LIMK1: variants seen among roughly 807,000 people sequenced by gnomAD.
The protein encoded by LIMK1 is LIM motif-containing protein kinase.
A neutral mutation model predicts 77.6 loss-of-function variants in LIMK1; 21 were observed. That is an observed-to-expected ratio of 0.27 (90% CI 0.19 to 0.39). The LOEUF is 0.39. Ranked by LOEUF, LIMK1 falls within the 10% of genes least tolerant of loss-of-function variation. LIMK1 has a pLI of 1.00. For synonymous variants in LIMK1, 358 were observed against 370.0 expected (o/e 0.97, Z 0.37); for missense variants, 696 against 901.6 (o/e 0.77, Z 2.92).
chr7:74,121,134 C>G lies in LIMK1; in HGVS notation c.1782-5C>G. ...CCCACCGTTCCCCACCCACCTGTCA[C>G]CCAGGCCATCCTTTGTGAAGCTGGA... On this transcript the variant is annotated splice_region_variant and splice_polypyrimidine_tract_variant and intron_variant, in intron 15 of 15. Coordinates refer to ENST00000336180, the MANE Select transcript of LIMK1 (RefSeq NM_002314.4). 6.2e-7 allele frequency: 1 copy of G among 1,612,160 alleles called. No homozygotes were observed. The highest frequency in any genetic ancestry group is 8.5e-7 in the Non-Finnish European group (1 of 1,178,728).
rs1799918714 is a variant in LIMK1 at position 74,120,786 on chromosome 7, G to A, written c.1624-106G>A. 2.2e-5 allele frequency: 35 copies of A among 1,557,214 alleles called. 1 individual carries two copies. In the South Asian group the frequency reaches 3.4e-4, roughly 15 times the overall value. On this transcript the variant is annotated intron_variant, in intron 14 of 15. Transcript: ENST00000336180. Reference sequence around the variant, plus strand: ...TGGCCCCCATGGGGTACTGCAGTCAGGCTGCAGCCAGGCCCAGTGCCACCT... The same window carrying A: ...TGGCCCCCATGGGGTACTGCAGTCAAGCTGCAGCCAGGCCCAGTGCCACCT...
In LIMK1 at chr7:74,097,091, G is replaced by A. The variant is rs1584112368; in HGVS notation, c.303G>A (p.Glu101=). Residue 101 remains glutamate, a synonymous_variant, in exon 4 of 16, where the codon GAG becomes GAA. Transcript: ENST00000336180. Reference sequence around the variant, plus strand: ...CACCCCCGCACCAGGTGGCTGGGGAGCTGAAGTACCACCCCGAGTGTTTCA... The same window carrying A: ...CACCCCCGCACCAGGTGGCTGGGGAACTGAAGTACCACCCCGAGTGTTTCA... ...ITKGLVMVAG[E]LKYHPECFIC... The A allele has an allele frequency of 6.2e-7, 1 of 1,612,708 alleles. No individual in the cohort carries two copies.
chr7:74,095,973 T>C (rs1192391945), intron 2 of LIMK1, among the ~76,000 whole-genome samples: 1 of 147,854 alleles, frequency 6.8e-6, no homozygotes, highest in Non-Finnish European at 1.5e-5. Flanking sequence ...TTTTTCTTTT[T>C]TTTTTTTTTG....
In LIMK1 at chr7:74,096,707, T is replaced by C. The variant is rs771756377; in HGVS notation, c.238T>C (p.Tyr80His). ...LFCKKDYWAR[Y>H]GESCHGCSEQ... ...CTGCAAGAAGGACTACTGGGCCCGCTATGGCGAGTCCTGCCATGGGTGCTC... is the reference window on the plus strand; with the variant it reads ...CTGCAAGAAGGACTACTGGGCCCGCCATGGCGAGTCCTGCCATGGGTGCTC... The change falls in exon 3 of 16, where the codon TAT becomes CAT. Residue 80 changes from tyrosine (Y) to histidine (H), a missense_variant. Around this residue, in one of 3 missense-constraint regions of LIMK1, gnomAD observed 252 missense variants for 279.4 expected, o/e 0.90. Coordinates refer to ENST00000336180, the MANE Select transcript of LIMK1 (RefSeq NM_002314.4). 49 of 1,613,768 alleles carry C rather than the reference T, an allele frequency of 3.0e-5. No individual in the cohort carries two copies. The highest frequency in any genetic ancestry group is 1.6e-4 in the Middle Eastern group (1 of 6,082).
intron 12 of LIMK1, among the ~76,000 whole-genome samples, chr7:74,112,833 AAAG>A (rs1346804535): frequency 6.6e-6 from 1 of 151,840 alleles, no homozygotes; most frequent in Non-Finnish European, 1.5e-5. Context: ...TCAAAAAAAA[AAAG>A]AGGAGGCTTT....
chr7:74,121,448 G>A lies in LIMK1; in HGVS notation c.*147G>A. 1 of 794,120 alleles carries A rather than the reference G, an allele frequency of 1.3e-6. No individual in the cohort carries two copies. The highest frequency in any genetic ancestry group is 1.9e-6 in the Non-Finnish European group (1 of 518,070). 49.2% of individuals were successfully genotyped at this position (794,120 alleles called of 1,614,324 possible). A position where few individuals can be genotyped will look rare whatever the true frequency, so the allele number is the denominator to read the frequency against. ...CCTGACTTGCCTTCTCCCACCCCGTGGACCGCTTCCCCTGCCTTCTCTCTG... is the reference window on the plus strand; with the variant it reads ...CCTGACTTGCCTTCTCCCACCCCGTAGACCGCTTCCCCTGCCTTCTCTCTG... On this transcript the variant is annotated 3_prime_UTR_variant, in exon 16 of 16. Coordinates refer to ENST00000336180, the MANE Select transcript of LIMK1 (RefSeq NM_002314.4).
At chr7:74,099,701 C>G (rs368374680) in intron 5 of LIMK1, among the ~76,000 whole-genome samples, 1 of 151,844 alleles carries the variant, frequency 6.6e-6, no homozygotes, top group East Asian at 1.9e-4. Context: ...GCACTCCAGG[C>G]TGGGCAACAA....
intron 12 of LIMK1, among the ~76,000 whole-genome samples, chr7:74,112,379 G>GT (rs1402476541): frequency 6.6e-6 from 1 of 152,200 alleles, no homozygotes. Flanking sequence ...GGGCCACAGA[G>GT]TGGGGGCATA....
chr7:74,117,657 G>A (rs1165607739), intron 13 of LIMK1, among the ~76,000 whole-genome samples: 1 of 152,064 alleles, frequency 6.6e-6, no homozygotes, highest in Non-Finnish European at 1.5e-5. Context: ...AGTTAAATTA[G>A]CCTGGCATGT....
rs189426398 is a variant in LIMK1 at position 74,113,678 on chromosome 7, G to A, written c.1410+1680G>A. ...GGGGCTGACAAGAGACCCCCAAACT[G>A]ACCATTATACAGACCCACTCTTGTG... is the stretch of plus-strand genomic sequence containing the variant. On this transcript the variant is annotated intron_variant, in intron 12 of 15. Coordinates refer to ENST00000336180, the MANE Select transcript of LIMK1 (RefSeq NM_002314.4). Among the ~76,000 whole-genome samples the A allele has an allele frequency of 1.5e-4, 23 of 150,710 alleles. No individual in the cohort carries two copies. In the East Asian group the frequency reaches 4.5e-3, roughly 29 times the overall value.
At chr7:74,093,196 TG>T in intron 2 of LIMK1, 1 of 1,531,674 alleles carries the variant, frequency 6.5e-7, no homozygotes, top group African/African-American at 1.4e-5. Flanking sequence ...GCAGCTGGTC[TG>T]GCCACCCCTG....
At position 74,121,611 on chromosome 7, in the gene LIMK1, A is replaced by C; in HGVS notation, c.*310A>C. The C allele has an allele frequency of 5.8e-6, 2 of 345,860 alleles. No homozygotes were observed. The highest frequency in any genetic ancestry group is 5.0e-5 in the East Asian group (1 of 19,820). 21.4% of individuals were successfully genotyped at this position (345,860 alleles called of 1,614,324 possible). A position where few individuals can be genotyped will look rare whatever the true frequency, so the allele number is the denominator to read the frequency against. ...CTGTGTGAGTTACGCCCCTTTCCAC[A>C]CGCCGCTGCCCCAGCAACCCTGTTC... On this transcript the variant is annotated 3_prime_UTR_variant, in exon 16 of 16. Coordinates refer to ENST00000336180, the MANE Select transcript of LIMK1 (RefSeq NM_002314.4).
At chr7:74,119,404 C>T (rs1171840623) in intron 13 of LIMK1, among the ~76,000 whole-genome samples, 2 of 148,572 alleles carry the variant, frequency 1.3e-5, no homozygotes, top group African/African-American at 5.0e-5. Context: ...ATCTTGAACT[C>T]CTGACCTCAG....
chr7:74,118,346 C>T (rs1376875290), intron 13 of LIMK1, among the ~76,000 whole-genome samples: 1 of 148,164 alleles, frequency 6.7e-6, no homozygotes, highest in Non-Finnish European at 1.5e-5. Flanking sequence ...CACTGTACTC[C>T]AGCCTGACGA....
At chr7:74,108,215 G>A (rs1799621149) in intron 9 of LIMK1, among the ~76,000 whole-genome samples, 1 of 152,010 alleles carries the variant, frequency 6.6e-6, no homozygotes, top group Non-Finnish European at 1.5e-5. Context: ...ATGTGCACCT[G>A]TCATCCCAGC....
chr7:74,117,846 A>T (rs1277402301), intron 13 of LIMK1, among the ~76,000 whole-genome samples: 1 of 152,030 alleles, frequency 6.6e-6, no homozygotes, highest in Non-Finnish European at 1.5e-5. Flanking sequence ...AGTGGCTCAC[A>T]CCTGTAATTC....
chr7:74,106,996 T>C lies in LIMK1; in HGVS notation c.882-14T>C. ...TGTCCCCCGGTGGCACTTGGCACCA[T>C]GTGTGCCCCCCAGGAGGAGCTGCAG... is the stretch of plus-strand genomic sequence containing the variant. On this transcript the variant is annotated splice_polypyrimidine_tract_variant and intron_variant, in intron 7 of 15. Transcript: ENST00000336180. The C allele has an allele frequency of 6.4e-7, 1 of 1,561,602 alleles. No homozygotes were observed. Among genetic ancestry groups the C allele is most frequent in the Non-Finnish European group, 8.7e-7 (1 of 1,153,958 alleles).
chr7:74,112,526 C>G (rs1554698804), intron 12 of LIMK1, among the ~76,000 whole-genome samples: 1 of 151,900 alleles, frequency 6.6e-6, no homozygotes, highest in African/African-American at 2.4e-5. Context: ...CGAGACCGTC[C>G]TGGCTAACAT....
At chr7:74,117,531 C>T (rs1258688898) in intron 13 of LIMK1, among the ~76,000 whole-genome samples, 1 of 152,074 alleles carries the variant, frequency 6.6e-6, no homozygotes, top group Admixed American at 6.6e-5. Flanking sequence ...TCTTTGCTGT[C>T]AATGGTCCTA....
Sources: allele counts gnomAD v4.1 joint callset (sites outside exome capture counted in the v4.1 genomes callset), GRCh38; gene constraint gnomAD v4.1.1; regional missense constraint gnomAD v4.1.1; transcripts MANE v1.5; gene names NCBI Gene and HGNC (gene_info 2026-07-23, HGNC 2026-07-21).